Variants in UNC5C observed in about 807,000 individuals in gnomAD.
UNC5C encodes the protein netrin receptor UNC5C.
In UNC5C, 47 loss-of-function variants were observed where a neutral mutation model predicts 99.8. The observed-to-expected ratio is 0.47, with a 90% CI of 0.37 to 0.60. The LOEUF (loss-of-function observed/expected upper bound fraction) is 0.60, where lower values mean the gene tolerates loss of function less well. Among genes scored for constraint, UNC5C ranks in the 20% least tolerant of loss-of-function variants. The pLI, the probability that UNC5C is intolerant of heterozygous loss-of-function variation, is 0.00. For missense variants in UNC5C, 1,062 were observed against 1,165.9 expected (o/e 0.91, Z 1.30); for synonymous variants, 487 against 452.2 (o/e 1.08, Z -0.98).
intron 2 of UNC5C, 80 bp downstream of exon 2, chr4:95,335,330 T>G: frequency 7.8e-7 from 1 of 1,280,826 alleles, no homozygotes; most frequent in Non-Finnish European, 1.1e-6. Context: ...TTCCACTAAT[T>G]GAAATAACAG....
At chr4:95,191,617 G>A (rs189751900) in intron 12 of UNC5C, among the ~76,000 whole-genome samples, 5 of 140,908 alleles carry the variant, frequency 3.5e-5, no homozygotes, top group Admixed American at 2.1e-4. Context: ...TTCCCTGCTC[G>A]CACTCCTCTC....
intron 14 of UNC5C, among the ~76,000 whole-genome samples, chr4:95,176,166 A>G (rs1178480406): frequency 6.6e-6 from 1 of 151,864 alleles, no homozygotes; most frequent in Admixed American, 6.6e-5. Flanking sequence ...CAAAGTTTTC[A>G]ACTTCTTTGC....
Position 95,216,175 on chromosome 4 carries a change from T to C in UNC5C, c.1682A>G (p.Gln561Arg). 1 of 1,613,784 alleles carries C rather than the reference T, an allele frequency of 6.2e-7. No homozygotes were observed. Reference protein sequence around the residue: ...SLLIPAGAIPQGRVYEMYVTV... With the variant: ...SLLIPAGAIPRGRVYEMYVTV... ...CACATACATTTCGTAGACTCTCCCT[T>C]GGGGAATGGCCCCAGCGGGAATCAG... is the stretch of plus-strand genomic sequence containing the variant. Residue 561 changes from glutamine to arginine, a missense_variant, in exon 10 of 16, where the codon CAA becomes CGA. Transcript: ENST00000453304.
At chr4:95,177,167 G>T (rs190622989) in intron 14 of UNC5C, among the ~76,000 whole-genome samples, 2 of 152,184 alleles carry the variant, frequency 1.3e-5, no homozygotes, top group African/African-American at 4.8e-5. Flanking sequence ...AGATGAACCC[G>T]GTACCTCAGA....
chr4:95,309,405 AG>A (rs1286652131), intron 2 of UNC5C, among the ~76,000 whole-genome samples: 1 of 152,146 alleles, frequency 6.6e-6, no homozygotes, highest in African/African-American at 2.4e-5. Flanking sequence ...CCAAAAACAC[AG>A]GCAGCAAAAG....
chr4:95,423,364 C>A (rs766999710), intron 1 of UNC5C, among the ~76,000 whole-genome samples: 4 of 152,136 alleles, frequency 2.6e-5, no homozygotes, highest in Non-Finnish European at 4.4e-5. Flanking sequence ...TTCTGTATGG[C>A]AGGAGAAAGT....
At chr4:95,354,091 T>C (rs934690541) in intron 1 of UNC5C, among the ~76,000 whole-genome samples, 1 of 152,174 alleles carries the variant, frequency 6.6e-6, no homozygotes, top group Non-Finnish European at 1.5e-5. Context: ...GTTCTACTCA[T>C]TGTATGACCT....
chr4:95,349,947 T>C (rs988338188), intron 1 of UNC5C, among the ~76,000 whole-genome samples: 3 of 152,178 alleles, frequency 2.0e-5, no homozygotes, highest in African/African-American at 4.8e-5. Context: ...TTAGCTACTA[T>C]AGTGGAAGCC....
Position 95,470,117 on chromosome 4 carries a change from G to A in UNC5C, c.124+78617C>T, listed in dbSNP as rs557436252. Among the ~76,000 whole-genome samples, 8 of 152,156 alleles carry A rather than the reference G, an allele frequency of 5.3e-5. No individual in the cohort carries two copies. The East Asian group carries it at 1.5e-3, about 29-fold the overall frequency. On this transcript the variant is annotated intron_variant, in intron 1 of 15. Transcript: ENST00000453304. ...TATTTTATGTTTTTCGAATGGGTTT[G>A]TGTATATTTTATGATAGTAAATGAT... is the stretch of plus-strand genomic sequence containing the variant.
At chr4:95,494,811 C>A (rs1172993553) in intron 1 of UNC5C, among the ~76,000 whole-genome samples, 1 of 151,416 alleles carries the variant, frequency 6.6e-6, no homozygotes, top group Non-Finnish European at 1.5e-5. Flanking sequence ...TTGCAACTTA[C>A]TATGAAATTT....
chr4:95,540,743 T>C (rs1257535161), intron 1 of UNC5C, among the ~76,000 whole-genome samples: 1 of 152,224 alleles, frequency 6.6e-6, no homozygotes, highest in African/African-American at 2.4e-5. Flanking sequence ...CAAATGTCAA[T>C]GTATTTCACA....
intron 1 of UNC5C, among the ~76,000 whole-genome samples, chr4:95,516,029 C>T (rs34377507): frequency 0.29 from 43,830 of 151,872 alleles, 6,852 homozygotes; most frequent in Non-Finnish European, 0.35. Flanking sequence ...TGAAATAGGA[C>T]AAATCAAGTA....
Position 95,287,185 on chromosome 4 carries a change from A to G in UNC5C, c.491-8823T>C, listed in dbSNP as rs551338646. On this transcript the variant is annotated intron_variant, in intron 3 of 15. Coordinates refer to ENST00000453304, the MANE Select transcript of UNC5C (RefSeq NM_003728.4). The stretch of plus-strand genomic sequence containing the variant: ...TTTTGTTAGTAGGATTGCATACATA[A>G]CATTTCATAAATTCATATTTTATAA... Among the ~76,000 whole-genome samples, 5 of 152,342 alleles carry G rather than the reference A, an allele frequency of 3.3e-5. No individual in the cohort carries two copies. In the East Asian group the frequency reaches 9.6e-4, roughly 29 times the overall value.
intron 1 of UNC5C, among the ~76,000 whole-genome samples, chr4:95,498,629 A>C (rs1359455061): frequency 6.6e-6 from 1 of 151,926 alleles, no homozygotes; most frequent in African/African-American, 2.4e-5. Flanking sequence ...ATATTTATAA[A>C]ATTTTAAAAA....
chr4:95,176,470 C>T (rs1736349489), intron 14 of UNC5C, among the ~76,000 whole-genome samples: 1 of 152,066 alleles, frequency 6.6e-6, no homozygotes, highest in Admixed American at 6.5e-5. Context: ...CAGACAGGAC[C>T]CTCAGCTGCA....
intron 1 of UNC5C, among the ~76,000 whole-genome samples, chr4:95,510,715 T>C (rs1178001488): frequency 6.6e-6 from 1 of 152,100 alleles, no homozygotes; most frequent in Non-Finnish European, 1.5e-5. Flanking sequence ...CTTGGACATC[T>C]CTGACACTGA....
chr4:95,214,885 A>G (rs1738195291), intron 10 of UNC5C, among the ~76,000 whole-genome samples: 1 of 152,206 alleles, frequency 6.6e-6, no homozygotes, highest in Non-Finnish European at 1.5e-5. Context: ...AGGGCCTGTG[A>G]ATGTTGCTTT....
chr4:95,414,536 C>G (rs1259279248), intron 1 of UNC5C, among the ~76,000 whole-genome samples: 1 of 152,230 alleles, frequency 6.6e-6, no homozygotes, highest in Non-Finnish European at 1.5e-5. Flanking sequence ...AAATACCTAG[C>G]AACGAAGGTC....
chr4:95,333,398 A>G (rs1308097474), intron 2 of UNC5C, among the ~76,000 whole-genome samples: 1 of 152,250 alleles, frequency 6.6e-6, no homozygotes, highest in Non-Finnish European at 1.5e-5. Context: ...GTCATAAAAA[A>G]TGATGAGTTC....
Sources: gnomAD v4.1 joint callset for allele counts (sites outside exome capture counted in the v4.1 genomes callset) on GRCh38, gnomAD v4.1.1 for gene constraint, MANE v1.5 for transcripts, NCBI Gene and HGNC (gene_info 2026-07-23, HGNC 2026-07-21) for gene names.